DSCAM: variants seen among roughly 807,000 people sequenced by gnomAD.
The protein encoded by DSCAM is cell adhesion molecule DSCAM.
DSCAM carries 47 observed loss-of-function variants against 217.7 expected under a neutral mutation model. The ratio of observed to expected loss-of-function variants is 0.22; its 90% confidence interval spans 0.17 to 0.28. The LOEUF is 0.28. Among genes scored for constraint, DSCAM ranks in the 10% least tolerant of loss-of-function variants. The pLI, the probability that DSCAM is intolerant of heterozygous loss-of-function variation, is 1.00. For synonymous variants in DSCAM, 1,056 were observed against 1,015.3 expected (o/e 1.04, Z -0.76); for missense variants, 2,080 against 2,618.3 (o/e 0.79, Z 4.49).
At chr21:40,118,675 T>G (rs2090000155) in intron 20 of DSCAM, among the ~76,000 whole-genome samples, 1 of 152,224 alleles carries the variant, frequency 6.6e-6, no homozygotes, top group Non-Finnish European at 1.5e-5. Flanking sequence ...CATATTACCC[T>G]TTCCTGCCTC....
intron 3 of DSCAM, among the ~76,000 whole-genome samples, chr21:40,418,001 C>G (rs1026511664): frequency 2.5e-4 from 38 of 152,276 alleles, no homozygotes; most frequent in African/African-American, 7.9e-4. Flanking sequence ...CGTGGATACA[C>G]CTGCCCTTTC....
At chr21:40,790,736 A>G (rs369551682) in intron 1 of DSCAM, among the ~76,000 whole-genome samples, 14 of 152,356 alleles carry the variant, frequency 9.2e-5, no homozygotes, top group African/African-American at 3.4e-4. Flanking sequence ...ATGCTATAGC[A>G]TACAGCACAA....
At chr21:40,201,671 T>C (rs2091070984) in intron 11 of DSCAM, among the ~76,000 whole-genome samples, 1 of 152,110 alleles carries the variant, frequency 6.6e-6, no homozygotes, top group Admixed American at 6.6e-5. Flanking sequence ...AAACTCCCAA[T>C]CTCAGGTGAT....
In DSCAM at chr21:40,420,081, A is replaced by T. The variant is rs570685219; in HGVS notation, c.509-50836T>A. Among the ~76,000 whole-genome samples, 35 of 152,332 alleles carry T rather than the reference A, an allele frequency of 2.3e-4. 1 individual carries two copies. The highest frequency in any genetic ancestry group is 2.8e-4 in the Non-Finnish European group (19 of 68,020). The stretch of plus-strand genomic sequence containing the variant: ...AAAAAAATTAGGCACAAAGCAAAAT[A>T]CAGTAACAGGATACCAATTGTGATA... On this transcript the variant is annotated intron_variant, in intron 3 of 32. Coordinates refer to ENST00000400454, the MANE Select transcript of DSCAM (RefSeq NM_001389.5).
intron 11 of DSCAM, among the ~76,000 whole-genome samples, chr21:40,251,543 T>C (rs1485162339): frequency 6.6e-6 from 1 of 152,198 alleles, no homozygotes; most frequent in Non-Finnish European, 1.5e-5. Flanking sequence ...GATAATGAGT[T>C]TGGAAGTGGG....
chr21:40,163,653 G>A (rs1371475482), intron 16 of DSCAM, among the ~76,000 whole-genome samples: 1 of 152,070 alleles, frequency 6.6e-6, no homozygotes, highest in African/African-American at 2.4e-5. Context: ...ATGTGAAGAT[G>A]TCCATTTCCC....
intron 3 of DSCAM, among the ~76,000 whole-genome samples, chr21:40,421,568 T>C (rs1415585748): frequency 6.6e-6 from 1 of 152,232 alleles, no homozygotes; most frequent in African/African-American, 2.4e-5. Flanking sequence ...GCTGTGTGTT[T>C]TGAGGTGTAT....
intron 8 of DSCAM, among the ~76,000 whole-genome samples, chr21:40,319,611 G>A (rs2035377193): frequency 6.6e-6 from 1 of 152,126 alleles, no homozygotes; most frequent in Non-Finnish European, 1.5e-5. Flanking sequence ...CCCAGTAGTG[G>A]AATTACTGGA....
intron 11 of DSCAM, among the ~76,000 whole-genome samples, chr21:40,192,243 T>C (rs2090959406): frequency 6.6e-6 from 1 of 152,288 alleles, no homozygotes; most frequent in South Asian, 2.1e-4. Context: ...CTCTCCCTGA[T>C]ATGGTTTGGC....
chr21:40,297,015 T>C (rs954994189), intron 9 of DSCAM, among the ~76,000 whole-genome samples: 1 of 152,094 alleles, frequency 6.6e-6, no homozygotes, highest in African/African-American at 2.4e-5. Context: ...GAATACAATG[T>C]GGGACTGAAC....
At chr21:40,403,662 C>CACAA (rs575460285) in intron 3 of DSCAM, among the ~76,000 whole-genome samples, 1 of 141,932 alleles carries the variant, frequency 7.0e-6, no homozygotes, top group African/African-American at 2.5e-5. Context: ...CACACACACA[C>CACAA]AATACACATG....
intron 11 of DSCAM, among the ~76,000 whole-genome samples, chr21:40,211,014 G>T (rs928150480): frequency 6.6e-6 from 1 of 152,202 alleles, no homozygotes; most frequent in Non-Finnish European, 1.5e-5. Flanking sequence ...ATCTGTCTGT[G>T]TTTGCACCTG....
In DSCAM at chr21:40,411,175, T is replaced by TACAA. The variant is rs2075319877; in HGVS notation, c.509-41931_509-41930insTTGT. Among the ~76,000 whole-genome samples the TACAA allele has an allele frequency of 3.1e-4, 14 of 45,138 alleles. No individual in the cohort carries two copies. In the South Asian group the frequency reaches 0.011, roughly 34 times the overall value. The allele number at this position is 45,138 out of a possible 152,430, so 29.6% of individuals were successfully genotyped here. ...TACTTGAAGATAGACAGTAATTATA[T>TACAA]ACACACACACACACACACACACACA... On this transcript the variant is annotated intron_variant, in intron 3 of 32. Transcript: ENST00000400454.
intron 32 of DSCAM, among the ~76,000 whole-genome samples, chr21:40,023,318 G>A (rs376402821): frequency 0.18 from 27,769 of 151,904 alleles, 2,666 homozygotes; most frequent in African/African-American, 0.23. Context: ...GAATAATGCC[G>A]CAATAAACAT....
chr21:40,572,971 T>G (rs1160027061), intron 3 of DSCAM, among the ~76,000 whole-genome samples: 1 of 152,184 alleles, frequency 6.6e-6, no homozygotes, highest in Non-Finnish European at 1.5e-5. Context: ...GAAGATCACA[T>G]GAAACACTTG....
At chr21:40,115,171 C>T (rs904791910) in intron 20 of DSCAM, among the ~76,000 whole-genome samples, 2 of 152,230 alleles carry the variant, frequency 1.3e-5, no homozygotes, top group Admixed American at 6.5e-5. Flanking sequence ...ACCTAAATGT[C>T]CAGCAATGAT....
intron 3 of DSCAM, among the ~76,000 whole-genome samples, chr21:40,567,675 C>G (rs370099946): frequency 2.0e-5 from 3 of 152,374 alleles, no homozygotes; most frequent in African/African-American, 7.2e-5. Context: ...TCAGGCCCAA[C>G]ATCTGTCTCC....
chr21:40,381,966 G>A (rs543547920), intron 3 of DSCAM, among the ~76,000 whole-genome samples: 1 of 152,182 alleles, frequency 6.6e-6, no homozygotes, highest in African/African-American at 2.4e-5. Flanking sequence ...GTATTTATGT[G>A]TATGCATTAC....
chr21:40,329,930 G>A (rs535502777), intron 8 of DSCAM, among the ~76,000 whole-genome samples: 3 of 151,884 alleles, frequency 2.0e-5, no homozygotes, highest in Non-Finnish European at 4.4e-5. Context: ...AATTTCAGGA[G>A]GAAAAGTCCA....
Sources: gnomAD v4.1 joint callset for allele counts (sites outside exome capture counted in the v4.1 genomes callset) on GRCh38, gnomAD v4.1.1 for gene constraint, MANE v1.5 for transcripts, NCBI Gene and HGNC (gene_info 2026-07-23, HGNC 2026-07-21) for gene names.